HPSE2: variants seen among roughly 807,000 people sequenced by gnomAD.
HPSE2 encodes heparanase 2 (inactive), also known as inactive heparanase-2.
HPSE2 carries 38 observed loss-of-function variants against 60.5 expected under a neutral mutation model. The observed-to-expected ratio is 0.63, with a 90% CI of 0.48 to 0.82. HPSE2 has a LOEUF of 0.82. Ranked by LOEUF, HPSE2 falls within the 40% of genes least tolerant of loss-of-function variation. The probability of loss-of-function intolerance (pLI) is 0.00; values close to 1 mark genes in which losing one functional copy is unlikely to be tolerated. For synonymous variants in HPSE2, 295 were observed against 293.2 expected (o/e 1.01, Z -0.06); for missense variants, 713 against 740.4 (o/e 0.96, Z 0.43).
chr10:99,167,895 C>G (rs1847147265), intron 2 of HPSE2, among the ~76,000 whole-genome samples: 1 of 152,140 alleles, frequency 6.6e-6, no homozygotes, highest in South Asian at 2.1e-4. Flanking sequence ...CTCTCTCTCT[C>G]TCTCTCATTT....
At chr10:99,086,032 G>T (rs911596021) in intron 3 of HPSE2, among the ~76,000 whole-genome samples, 8 of 152,256 alleles carry the variant, frequency 5.3e-5, no homozygotes, top group Middle Eastern at 6.8e-3. Context: ...TGCTACTTAA[G>T]GCATTTCCAA....
chr10:99,122,888 A>G (rs1367615641), intron 3 of HPSE2, among the ~76,000 whole-genome samples: 2 of 152,156 alleles, frequency 1.3e-5, no homozygotes, highest in Non-Finnish European at 2.9e-5. Flanking sequence ...AAGCCTTACC[A>G]GAAATCAAAA....
Position 99,235,660 on chromosome 10 carries a change from G to C in HPSE2, c.143C>G (p.Pro48Arg), listed in dbSNP as rs1023844303. Residue 48 changes from proline to arginine, a missense_variant, in exon 1 of 12, where the codon CCT becomes CGT. Physicochemically the swap from Pro to Arg is moderately radical, Grantham distance 103. Coordinates refer to ENST00000370552, the MANE Select transcript of HPSE2 (RefSeq NM_021828.5). ...CTTCAAACCTGCAGCTCTGTCTACA[G>C]GCAAGGGTCTCCTGTCTCCAGCCTG... ...SSQAGDRRPL[P>R]VDRAAGLKEK... 6.2e-6 allele frequency: 10 copies of C among 1,613,884 alleles called. No homozygotes were observed. The African/African-American group carries it at 1.1e-4, about 17-fold the overall frequency.
intron 10 of HPSE2, among the ~76,000 whole-genome samples, chr10:98,487,926 C>T (rs1273476541): frequency 6.6e-6 from 1 of 152,246 alleles, no homozygotes; most frequent in Non-Finnish European, 1.5e-5. Flanking sequence ...GCCCTGCAAC[C>T]TCAGCCAGCT....
chr10:99,052,182 GAA>G (rs2135502230), intron 3 of HPSE2, among the ~76,000 whole-genome samples: 1 of 151,668 alleles, frequency 6.6e-6, no homozygotes, highest in South Asian at 2.1e-4. Flanking sequence ...CTATAGGAAA[GAA>G]TGATCATGAT....
intron 3 of HPSE2, among the ~76,000 whole-genome samples, chr10:99,063,181 A>C (rs1355825243): frequency 6.6e-6 from 1 of 152,244 alleles, no homozygotes; most frequent in African/African-American, 2.4e-5. Context: ...AAGATTTGAC[A>C]AAATAAAAAT....
intron 3 of HPSE2, among the ~76,000 whole-genome samples, chr10:99,021,822 C>CA (rs35445914): frequency 9.4e-4 from 134 of 141,946 alleles, no homozygotes; most frequent in African/African-American, 1.7e-3. Flanking sequence ...CTATCTACAC[C>CA]AAAAAAAAAA....
In HPSE2 at chr10:98,936,399, T is replaced by C. The variant is rs1269268965; in HGVS notation, c.611-192343A>G. Among the ~76,000 whole-genome samples, 3 of 143,592 alleles carry C rather than the reference T, an allele frequency of 2.1e-5. 1 individual carries two copies. Among genetic ancestry groups the C allele is most frequent in the African/African-American group, 8.5e-5 (3 of 35,242 alleles). The allele number at this position is 143,592 out of a possible 152,430, so 94.2% of individuals were successfully genotyped here. A position where few individuals can be genotyped will look rare whatever the true frequency, so the allele number is the denominator to read the frequency against. ...CCTGCCTGAACAGCTGCCCAGTTTTTTGCTTGAGACCCAGGGGCCTGGTGG... is the reference window on the plus strand; with the variant it reads ...CCTGCCTGAACAGCTGCCCAGTTTTCTGCTTGAGACCCAGGGGCCTGGTGG... On this transcript the variant is annotated intron_variant, in intron 3 of 11. Transcript: ENST00000370552.
chr10:98,629,919 G>GA (rs1033069923), intron 7 of HPSE2, among the ~76,000 whole-genome samples: 2 of 152,120 alleles, frequency 1.3e-5, no homozygotes, highest in Middle Eastern at 3.4e-3. Flanking sequence ...CTTAACTGGG[G>GA]AAAAAAAGCT....
the HPSE2 span, among the ~76,000 whole-genome samples, chr10:99,313,355 A>G: frequency 6.6e-6 from 1 of 152,178 alleles, no homozygotes; most frequent in Non-Finnish European, 1.5e-5. Context: ...GGGAATAGCA[A>G]GAGAACTGGA....
At chr10:99,086,346 C>CTTTTTTTT (rs66562418) in intron 3 of HPSE2, among the ~76,000 whole-genome samples, 9 of 83,008 alleles carry the variant, frequency 1.1e-4, no homozygotes, top group African/African-American at 1.4e-4. Flanking sequence ...AAAGTACTTT[C>CTTTTTTTT]TTTTTTTTTT....
intron 3 of HPSE2, among the ~76,000 whole-genome samples, chr10:98,854,044 G>A (rs1319048433): frequency 6.6e-6 from 1 of 152,046 alleles, no homozygotes; most frequent in Non-Finnish European, 1.5e-5. Flanking sequence ...AAGTGATCTA[G>A]AATAATACAA....
At chr10:98,614,291 G>GTTT (rs1199224334) in intron 9 of HPSE2, among the ~76,000 whole-genome samples, 2 of 93,808 alleles carry the variant, frequency 2.1e-5, no homozygotes, top group Non-Finnish European at 2.9e-5. Flanking sequence ...CACAAGGATT[G>GTTT]TTTTGTTTTT....
At chr10:98,508,159 G>A (rs540972987) in intron 9 of HPSE2, among the ~76,000 whole-genome samples, 7 of 152,310 alleles carry the variant, frequency 4.6e-5, no homozygotes, top group Admixed American at 2.6e-4. Flanking sequence ...TGTATTAGAC[G>A]TGAGGAGAGG....
At chr10:98,620,450 G>T (rs1186746477) in intron 8 of HPSE2, 152 bp downstream of exon 8, 5 of 683,926 alleles carry the variant, frequency 7.3e-6, no homozygotes, top group Non-Finnish European at 1.3e-5. Flanking sequence ...GATCATTGTT[G>T]AATGGTTTAA....
chr10:98,780,462 G>C (rs969853875), intron 3 of HPSE2, among the ~76,000 whole-genome samples: 1 of 152,128 alleles, frequency 6.6e-6, no homozygotes, highest in African/African-American at 2.4e-5. Flanking sequence ...AATCACAGAT[G>C]CATACTTAGA....
intron 9 of HPSE2, among the ~76,000 whole-genome samples, chr10:98,516,484 T>C (rs536230209): frequency 3.9e-4 from 60 of 152,338 alleles, no homozygotes; most frequent in African/African-American, 1.3e-3. Flanking sequence ...AATGTCAGTA[T>C]GTAGCCAGAA....
chr10:98,854,338 G>C, intron 3 of HPSE2, among the ~76,000 whole-genome samples: 1 of 152,276 alleles, frequency 6.6e-6, no homozygotes, highest in East Asian at 1.9e-4. Context: ...TGGTCACACA[G>C]AGAAGACTGA....
At chr10:99,026,239 A>G (rs1362133761) in intron 3 of HPSE2, among the ~76,000 whole-genome samples, 3 of 152,104 alleles carry the variant, frequency 2.0e-5, no homozygotes, top group African/African-American at 2.4e-5. Context: ...AACACACCTC[A>G]CCTATGAACA....
Sources: allele counts gnomAD v4.1 joint callset (sites outside exome capture counted in the v4.1 genomes callset), GRCh38; gene constraint gnomAD v4.1.1; transcripts MANE v1.5; gene names NCBI Gene and HGNC (gene_info 2026-07-23, HGNC 2026-07-21).